The following BANK1 variants were observed in gnomAD, a reference collection of about 807,000 sequenced individuals.
BANK1 encodes the protein B cell scaffold protein with ankyrin repeats 1.
A neutral mutation model predicts 94.5 loss-of-function variants in BANK1; 95 were observed. The observed-to-expected ratio is 1.00, with a 90% CI of 0.85 to 1.19. The LOEUF is 1.19. BANK1 is among the 50% of genes most tolerant of loss of function. BANK1 has a pLI of 0.00. For missense variants in BANK1, 987 were observed against 932.2 expected, an observed-to-expected ratio of 1.06 and a Z score of -0.77; for synonymous variants, 334 against 308.4, an observed-to-expected ratio of 1.08 and a Z score of -0.87.
At chr4:101,922,212 T>C (rs1477443279) in intron 7 of BANK1, among the ~76,000 whole-genome samples, 1 of 151,836 alleles carries the variant, frequency 6.6e-6, no homozygotes, top group African/African-American at 2.4e-5. Flanking sequence ...CTGGGTAATA[T>C]AGAGAACCAA....
At chr4:101,875,992 A>T (rs1479783982) in intron 5 of BANK1, among the ~76,000 whole-genome samples, 2 of 151,934 alleles carry the variant, frequency 1.3e-5, no homozygotes, top group African/African-American at 4.8e-5. Context: ...TCCAAAAGAG[A>T]CCCCTTCCCT....
chr4:102,068,352 A>G (rs1256347856), intron 13 of BANK1, among the ~76,000 whole-genome samples: 1 of 152,186 alleles, frequency 6.6e-6, no homozygotes, highest in Non-Finnish European at 1.5e-5. Flanking sequence ...TCAGTAAAAA[A>G]GGAAAGAGAT....
chr4:102,044,457 G>C (rs1221142872), intron 11 of BANK1, among the ~76,000 whole-genome samples: 1 of 151,366 alleles, frequency 6.6e-6, no homozygotes, highest in Non-Finnish European at 1.5e-5. Context: ...TTGGTTCCAA[G>C]TCTTTGCTAT....
At chr4:101,940,622 T>C (rs1188281741) in intron 7 of BANK1, among the ~76,000 whole-genome samples, 1 of 151,780 alleles carries the variant, frequency 6.6e-6, no homozygotes, top group Admixed American at 6.6e-5. Context: ...CTTAATACAG[T>C]GTTAAGGAGT....
intron 10 of BANK1, among the ~76,000 whole-genome samples, chr4:102,039,843 T>A (rs1727647649): frequency 6.6e-6 from 1 of 152,030 alleles, no homozygotes; most frequent in South Asian, 2.1e-4. Context: ...CAGAGCACAA[T>A]ACGAATCTAT....
intron 5 of BANK1, among the ~76,000 whole-genome samples, chr4:101,892,227 A>T (rs1721902223): frequency 6.6e-6 from 1 of 150,900 alleles, no homozygotes; most frequent in African/African-American, 2.4e-5. Flanking sequence ...GTTAGGAAGA[A>T]ATAGTTATAA....
intron 6 of BANK1, among the ~76,000 whole-genome samples, chr4:101,896,192 G>T (rs1722073017): frequency 6.7e-6 from 1 of 149,608 alleles, no homozygotes; most frequent in African/African-American, 2.5e-5. Context: ...GTATATTTTA[G>T]AATTTTTTTT....
chr4:101,954,413 G>C (rs928437833), intron 7 of BANK1, among the ~76,000 whole-genome samples: 1 of 152,152 alleles, frequency 6.6e-6, no homozygotes. Flanking sequence ...GTGTTCATTT[G>C]TGGAGTCCTG....
intron 4 of BANK1, 101 bp from the exon 5 acceptor site, chr4:101,870,404 G>A: frequency 1.8e-6 from 2 of 1,100,536 alleles, no homozygotes; most frequent in Non-Finnish European, 2.4e-6. Context: ...GAGTAAAAGT[G>A]TTATGAATTT....
At chr4:101,813,636 G>A (rs987150130) in intron 1 of BANK1, among the ~76,000 whole-genome samples, 1 of 152,214 alleles carries the variant, frequency 6.6e-6, no homozygotes, top group African/African-American at 2.4e-5. Flanking sequence ...CACTCTAGGA[G>A]AAATGTAGTC....
At chr4:101,909,638 G>A (rs998760834) in intron 6 of BANK1, among the ~76,000 whole-genome samples, 4 of 152,146 alleles carry the variant, frequency 2.6e-5, no homozygotes, top group Non-Finnish European at 5.9e-5. Context: ...ACCTTCCAGC[G>A]TGGGCATTAG....
chr4:102,027,163 A>T (rs1416623909), intron 9 of BANK1, among the ~76,000 whole-genome samples: 1 of 152,172 alleles, frequency 6.6e-6, no homozygotes, highest in East Asian at 1.9e-4. Context: ...TTCAGATCTG[A>T]ATAATTTGTT....
At chr4:102,049,233 G>A (rs1727973051) in intron 11 of BANK1, among the ~76,000 whole-genome samples, 1 of 152,166 alleles carries the variant, frequency 6.6e-6, no homozygotes, top group South Asian at 2.1e-4. Context: ...AATATACTTA[G>A]TCATTAGAAG....
At chr4:101,991,181 C>T (rs1476741345) in intron 7 of BANK1, among the ~76,000 whole-genome samples, 1 of 152,224 alleles carries the variant, frequency 6.6e-6, no homozygotes, top group Non-Finnish European at 1.5e-5. Context: ...GAATCCTGTT[C>T]TCTGAGACTC....
At chr4:101,900,355 TGAAAAG>T (rs1164285720) in intron 6 of BANK1, among the ~76,000 whole-genome samples, 10 of 152,308 alleles carry the variant, frequency 6.6e-5, no homozygotes, top group Non-Finnish European at 1.5e-4. Flanking sequence ...TAGGAAGTGA[TGAAAAG>T]CCATGTGAGG....
At chr4:102,010,391 CTTTTTT>C (rs1209533993) in intron 7 of BANK1, among the ~76,000 whole-genome samples, 1 of 130,468 alleles carries the variant, frequency 7.7e-6, no homozygotes. Context: ...TGATTAATTT[CTTTTTT>C]TTTTTTTTTT....
chr4:101,976,623 A>G (rs991422831), intron 7 of BANK1, among the ~76,000 whole-genome samples: 2 of 152,170 alleles, frequency 1.3e-5, no homozygotes, highest in African/African-American at 4.8e-5. Flanking sequence ...GATAAACATC[A>G]TATTTTAATT....
At chr4:102,023,882 C>T (rs184267136) in intron 8 of BANK1, among the ~76,000 whole-genome samples, 3 of 152,294 alleles carry the variant, frequency 2.0e-5, no homozygotes, top group Admixed American at 2.0e-4. Flanking sequence ...TCCATCCATT[C>T]CATCATCTAC....
chr4:101,870,086 T>C (rs559830997), intron 4 of BANK1, among the ~76,000 whole-genome samples: 2 of 127,686 alleles, frequency 1.6e-5, no homozygotes, highest in African/African-American at 5.4e-5. Flanking sequence ...CAAATTACTA[T>C]TTTTGAGACA....
Sources: allele counts gnomAD v4.1 joint callset (sites outside exome capture counted in the v4.1 genomes callset), GRCh38; gene constraint gnomAD v4.1.1; transcripts MANE v1.5; gene names NCBI Gene and HGNC (gene_info 2026-07-23, HGNC 2026-07-21).